The following VPS13B variants were observed in gnomAD, a reference collection of about 807,000 sequenced individuals.
VPS13B encodes intermembrane lipid transfer protein VPS13B.
Under a neutral mutation model 426.4 loss-of-function variants are expected in VPS13B, and 285 were observed. The ratio of observed to expected loss-of-function variants is 0.67; its 90% CI spans 0.61 to 0.74. The LOEUF (loss-of-function observed/expected upper bound fraction) is 0.74. VPS13B is among the 30% of genes least tolerant of loss of function. VPS13B has a pLI of 0.00. For synonymous variants in VPS13B, 1,676 were observed against 1,676.4 expected (o/e 1.00, Z 0.01); for missense variants, 4,537 against 4,782.6 (o/e 0.95, Z 1.51).
intron 43 of VPS13B, among the ~76,000 whole-genome samples, chr8:99,786,448 G>T (rs1563916957): frequency 6.6e-6 from 1 of 152,096 alleles, no homozygotes; most frequent in Admixed American, 6.6e-5. Flanking sequence ...TTGGCAGCAT[G>T]ATTTGTCTGT....
At chr8:99,230,641 A>G (rs1343226485) in intron 17 of VPS13B, among the ~76,000 whole-genome samples, 2 of 152,146 alleles carry the variant, frequency 1.3e-5, no homozygotes, top group African/African-American at 2.4e-5. Context: ...CTCTTTAACA[A>G]TCAGTTTCCT....
intron 35 of VPS13B, among the ~76,000 whole-genome samples, chr8:99,677,915 T>C (rs897443613): frequency 1.3e-5 from 2 of 152,166 alleles, no homozygotes; most frequent in Non-Finnish European, 2.9e-5. Context: ...TGCCTGCAGT[T>C]TTTTTCCTTA....
chr8:99,509,217 T>C (rs1048156827), intron 28 of VPS13B, among the ~76,000 whole-genome samples: 8 of 152,298 alleles, frequency 5.3e-5, no homozygotes, highest in African/African-American at 1.9e-4. Flanking sequence ...TCCAGCAACA[T>C]GCTAATAAAA....
intron 30 of VPS13B, among the ~76,000 whole-genome samples, chr8:99,532,232 A>T (rs1250322878): frequency 3.9e-5 from 6 of 152,102 alleles, no homozygotes; most frequent in Non-Finnish European, 8.8e-5. Flanking sequence ...GAGGTTTTTC[A>T]ACCGTTTTAC....
intron 8 of VPS13B, among the ~76,000 whole-genome samples, chr8:99,128,386 C>CAAAAA (rs71273165): frequency 5.8e-5 from 2 of 34,220 alleles, no homozygotes; most frequent in African/African-American, 1.1e-4. Context: ...GATACTGTCC[C>CAAAAA]AAAAAAAAAA....
At chr8:99,816,381 C>T (rs1400912518) in intron 44 of VPS13B, among the ~76,000 whole-genome samples, 1 of 152,144 alleles carries the variant, frequency 6.6e-6, no homozygotes, top group African/African-American at 2.4e-5. Context: ...GGATTACAGG[C>T]GTGAACCACC....
At chr8:99,743,373 A>G (rs1414874381) in intron 39 of VPS13B, among the ~76,000 whole-genome samples, 1 of 151,952 alleles carries the variant, frequency 6.6e-6, no homozygotes, top group East Asian at 1.9e-4. Context: ...GGAAGAATCA[A>G]TATCGTGAAA....
At chr8:99,065,948 T>C (rs996430965) in intron 3 of VPS13B, among the ~76,000 whole-genome samples, 7 of 152,170 alleles carry the variant, frequency 4.6e-5, no homozygotes, top group Non-Finnish European at 5.9e-5. Flanking sequence ...TTACAAGGGA[T>C]GTGAAGGACC....
At chr8:99,607,383 A>G (rs942371484) in intron 33 of VPS13B, among the ~76,000 whole-genome samples, 2 of 152,224 alleles carry the variant, frequency 1.3e-5, no homozygotes, top group Admixed American at 1.3e-4. Context: ...TTTTAAAAGA[A>G]AACTTTAGTC....
chr8:99,051,342 A>C (rs867925217), intron 3 of VPS13B, among the ~76,000 whole-genome samples: 3 of 152,074 alleles, frequency 2.0e-5, no homozygotes, highest in African/African-American at 4.8e-5. Flanking sequence ...ATGATTGTAG[A>C]TATGCGGCAT....
At chr8:99,812,836 A>G (rs1426149912) in intron 44 of VPS13B, among the ~76,000 whole-genome samples, 1 of 152,122 alleles carries the variant, frequency 6.6e-6, no homozygotes, top group Non-Finnish European at 1.5e-5. Flanking sequence ...CTTCAATATC[A>G]CTATTCTTCT....
rs558348940 is a variant in VPS13B at position 99,594,628 on chromosome 8, G to A, written c.5220+16995G>A. On this transcript the variant is annotated intron_variant, in intron 33 of 61. Coordinates refer to ENST00000357162, the MANE Select transcript of VPS13B (RefSeq NM_152564.5). ...GAATGATGTAATATTATGCTCCAAT[G>A]TCCTATTTATCATCTGGCAGGCTTT... is the stretch of plus-strand genomic sequence containing the variant. Among the ~76,000 whole-genome samples, 10 of 152,058 alleles carry A rather than the reference G, an allele frequency of 6.6e-5. No homozygotes were observed. In the South Asian group the frequency reaches 2.1e-3, roughly 32 times the overall value.
chr8:99,142,957 A>C lies in VPS13B; in HGVS notation c.1652-17A>C. 1 of 1,605,200 alleles carries C rather than the reference A, an allele frequency of 6.2e-7. No individual in the cohort carries two copies. The highest frequency in any genetic ancestry group is 8.5e-7 in the Non-Finnish European group (1 of 1,175,566). On this transcript the variant is annotated splice_polypyrimidine_tract_variant and intron_variant, in intron 12 of 61. Transcript: ENST00000357162. ...TATCCAATTGATGCTTAAAATATAAAATTTGACTTCTTTTAGGTTCCACAA... is the reference window on the plus strand; with the variant it reads ...TATCCAATTGATGCTTAAAATATAACATTTGACTTCTTTTAGGTTCCACAA...
intron 22 of VPS13B, among the ~76,000 whole-genome samples, chr8:99,438,584 G>A (rs1446125891): frequency 6.6e-6 from 1 of 151,974 alleles, no homozygotes; most frequent in Non-Finnish European, 1.5e-5. Flanking sequence ...GATTTTTATG[G>A]AAAAAGTGTG....
intron 33 of VPS13B, among the ~76,000 whole-genome samples, chr8:99,620,382 A>G (rs534789926): frequency 6.6e-6 from 1 of 152,304 alleles, no homozygotes; most frequent in African/African-American, 2.4e-5. Context: ...TCCTGCATTG[A>G]AACTCCTTGG....
intron 8 of VPS13B, among the ~76,000 whole-genome samples, chr8:99,127,204 T>C (rs1848223291): frequency 6.6e-6 from 1 of 152,238 alleles, no homozygotes; most frequent in South Asian, 2.1e-4. Context: ...CCTTTAAATG[T>C]TGGCATATAG....
intron 17 of VPS13B, among the ~76,000 whole-genome samples, chr8:99,240,621 T>C (rs767349272): frequency 7.9e-5 from 12 of 152,210 alleles, no homozygotes; most frequent in Non-Finnish European, 1.5e-4. Context: ...AAACATTAAC[T>C]GTTTGAAAAC....
At chr8:99,260,660 A>G (rs1817992734) in intron 17 of VPS13B, among the ~76,000 whole-genome samples, 1 of 152,018 alleles carries the variant, frequency 6.6e-6, no homozygotes. Flanking sequence ...TAGGATCACT[A>G]GATCACTTCT....
chr8:99,354,471 T>C (rs2133219854), intron 19 of VPS13B, among the ~76,000 whole-genome samples: 1 of 151,724 alleles, frequency 6.6e-6, no homozygotes, highest in East Asian at 1.9e-4. Flanking sequence ...ATTTATATAA[T>C]TTATTTGTTC....
Sources: gnomAD v4.1 joint callset for allele counts (sites outside exome capture counted in the v4.1 genomes callset) on GRCh38, gnomAD v4.1.1 for gene constraint, MANE v1.5 for transcripts, NCBI Gene and HGNC (gene_info 2026-07-23, HGNC 2026-07-21) for gene names.